NPIPB8: variants seen among roughly 807,000 people sequenced by gnomAD.
The protein encoded by NPIPB8 is nuclear pore complex interacting protein family member B8, also known as nuclear pore complex-interacting protein family member B8.
Under a neutral mutation model 5.3 loss-of-function variants are expected in NPIPB8, and 3 were observed. The ratio of observed to expected loss-of-function variants is 0.57; its 90% CI spans 0.26 to 1.47. The LOEUF is 1.47. Ranked by LOEUF, NPIPB8 falls within the 40% of genes most tolerant of loss-of-function variation. The pLI, the probability that NPIPB8 is intolerant of heterozygous loss-of-function variation, is 0.13. For synonymous variants in NPIPB8, 18 were observed against 23.0 expected, an observed-to-expected ratio of 0.78 and a Z score of 0.62; for missense variants, 50 against 50.2, an observed-to-expected ratio of 1.00 and a Z score of 0.01.
chr16:28,643,097 C>T (rs2047935449), intron 2 of NPIPB8, among the ~76,000 whole-genome samples: 1 of 151,366 alleles, frequency 6.6e-6, no homozygotes. Context: ...GAGCTCCCCA[C>T]CCATCACACA....
chr16:28,645,152 T>C (rs1249126418), intron 2 of NPIPB8, among the ~76,000 whole-genome samples: 4 of 135,002 alleles, frequency 3.0e-5, no homozygotes, highest in Non-Finnish European at 6.6e-5. Context: ...CAAGCAATTG[T>C]CCTGCCCCAG....
chr16:28,639,894 T>C (rs1333396840), intron 2 of NPIPB8, among the ~76,000 whole-genome samples: 1 of 150,582 alleles, frequency 6.6e-6, no homozygotes, highest in Non-Finnish European at 1.5e-5. Context: ...GGTAACACTT[T>C]ACTGCATTGT....
chr16:28,642,614 A>G (rs953257080), intron 2 of NPIPB8, among the ~76,000 whole-genome samples: 1 of 150,948 alleles, frequency 6.6e-6, no homozygotes, highest in African/African-American at 2.4e-5. Flanking sequence ...CCTCCCAAGT[A>G]GGTGGGACTA....
rs541431191 is a variant in NPIPB8 at position 28,639,740 on chromosome 16, G to A, written c.120+1260G>A. 5.7e-3 allele frequency among the ~76,000 whole-genome samples: 842 copies of A among 147,888 alleles called. 6 individuals are homozygous for A. The highest frequency in any genetic ancestry group is 0.021 in the Middle Eastern group (6 of 286). ...AGTGCTGGGACTATAGGTGTGAGCC[G>A]CTACACCCCGTCCAAGATAAAATTA... On this transcript the variant is annotated intron_variant, in intron 2 of 7. Transcript: ENST00000683297.
chr16:28,641,101 C>T (rs1295405117), intron 2 of NPIPB8, among the ~76,000 whole-genome samples: 2 of 152,012 alleles, frequency 1.3e-5, no homozygotes, highest in African/African-American at 2.4e-5. Context: ...CTGTGCTAAA[C>T]ACTCTCCCAA....
intron 5 of NPIPB8, among the ~76,000 whole-genome samples, chr16:28,652,783 C>A (rs1459705583): frequency 7.3e-6 from 1 of 136,766 alleles, no homozygotes; most frequent in Non-Finnish European, 1.6e-5. Flanking sequence ...TGTATTTTTA[C>A]TAGAGATGGG....
At chr16:28,639,450 T>G (rs2047853498) in intron 2 of NPIPB8, among the ~76,000 whole-genome samples, 2 of 82,236 alleles carry the variant, frequency 2.4e-5, no homozygotes, top group Non-Finnish European at 5.4e-5. Flanking sequence ...CACACATATA[T>G]ATATATTTTT....
At chr16:28,652,714 G>T (rs1346654944) in intron 5 of NPIPB8, among the ~76,000 whole-genome samples, 1 of 124,494 alleles carries the variant, frequency 8.0e-6, no homozygotes, top group African/African-American at 3.2e-5. Context: ...CAATTCTCCT[G>T]TCTCAGCCTC....
chr16:28,640,465 C>T (rs1396459303), intron 2 of NPIPB8, among the ~76,000 whole-genome samples: 1 of 152,150 alleles, frequency 6.6e-6, no homozygotes, highest in East Asian at 1.9e-4. Flanking sequence ...ACTCTTTTGC[C>T]TCGAGGTGAC....
intron 2 of NPIPB8, among the ~76,000 whole-genome samples, chr16:28,642,890 C>A (rs573938181): frequency 1.3e-5 from 2 of 152,160 alleles, no homozygotes; most frequent in Non-Finnish European, 2.9e-5. Flanking sequence ...TTCACAATAA[C>A]CTTATGTCAT....
intron 1 of NPIPB8, 30 bp from the exon 2 acceptor site, chr16:28,638,293 A>G: frequency 6.5e-7 from 1 of 1,542,446 alleles, no homozygotes; most frequent in Non-Finnish European, 8.7e-7. Context: ...CCACTCATTC[A>G]ACAAACTTTT....
intron 2 of NPIPB8, among the ~76,000 whole-genome samples, chr16:28,645,037 GA>G (rs983501661): frequency 1.2e-5 from 1 of 85,802 alleles, no homozygotes; most frequent in Non-Finnish European, 2.3e-5. Flanking sequence ...CTGGTTTGAT[GA>G]CTTTTTTTTT....
intron 2 of NPIPB8, among the ~76,000 whole-genome samples, chr16:28,640,453 C>G (rs140078626): frequency 0.04 from 6,161 of 152,156 alleles, 182 homozygotes; most frequent in Middle Eastern, 0.088. Flanking sequence ...CAATGGCTCC[C>G]AACTCTTTTG....
chr16:28,642,246 C>T (rs1258368640), intron 2 of NPIPB8, among the ~76,000 whole-genome samples: 1 of 151,700 alleles, frequency 6.6e-6, no homozygotes, highest in African/African-American at 2.4e-5. Flanking sequence ...GCTGGGATTA[C>T]AGGTGTGTGC....
intron 5 of NPIPB8, among the ~76,000 whole-genome samples, chr16:28,653,114 C>A (rs1248069434): frequency 9.1e-6 from 1 of 110,390 alleles, no homozygotes; most frequent in Non-Finnish European, 1.9e-5. Context: ...ACTCTGTCAC[C>A]CAGGCTAGAG....
intron 2 of NPIPB8, among the ~76,000 whole-genome samples, chr16:28,640,522 G>T (rs992644950): frequency 6.6e-6 from 1 of 152,092 alleles, no homozygotes; most frequent in African/African-American, 2.4e-5. Context: ...AAATCCCATG[G>T]GTACATCCAC....
intron 2 of NPIPB8, among the ~76,000 whole-genome samples, chr16:28,642,037 C>G (rs1596675997): frequency 6.6e-6 from 1 of 151,466 alleles, no homozygotes; most frequent in East Asian, 1.9e-4. Context: ...CACTTTTGCT[C>G]TAATCTGACT....
intron 5 of NPIPB8, among the ~76,000 whole-genome samples, chr16:28,653,191 G>A (rs1384252571): frequency 9.5e-6 from 1 of 105,796 alleles, no homozygotes; most frequent in Non-Finnish European, 2.0e-5. Flanking sequence ...TTATCCCTCA[G>A]CCTCTTGAGT....
At chr16:28,640,775 T>C (rs1296139874) in intron 2 of NPIPB8, among the ~76,000 whole-genome samples, 1 of 152,072 alleles carries the variant, frequency 6.6e-6, no homozygotes, top group African/African-American at 2.4e-5. Flanking sequence ...AAAAAGCAGT[T>C]TGGTCGAATG....
Sources: gnomAD v4.1 joint callset for allele counts (sites outside exome capture counted in the v4.1 genomes callset) on GRCh38, gnomAD v4.1.1 for gene constraint, MANE v1.5 for transcripts, NCBI Gene and HGNC (gene_info 2026-07-23, HGNC 2026-07-21) for gene names.